SH3KBP1: variants seen among roughly 807,000 people sequenced by gnomAD.
The protein encoded by SH3KBP1 is SH3 domain-containing kinase-binding protein 1.
A neutral mutation model predicts 50.1 loss-of-function variants in SH3KBP1; 8 were observed. The ratio of observed to expected loss-of-function variants is 0.16; its 90% CI spans 0.09 to 0.29. The LOEUF (loss-of-function observed/expected upper bound fraction) is 0.29, where lower values mean the gene tolerates loss of function less well. Ranked by LOEUF, SH3KBP1 falls within the 10% of genes least tolerant of loss-of-function variation. The probability of loss-of-function intolerance (pLI) is 1.00; values close to 1 mark genes in which losing one functional copy is unlikely to be tolerated. For missense variants in SH3KBP1, 377 were observed against 535.2 expected (o/e 0.70, Z 2.92); for synonymous variants, 227 against 218.6 (o/e 1.04, Z -0.34).
chrX:19,833,880 T>C (rs1250784013), intron 2 of SH3KBP1, among the ~76,000 whole-genome samples: 1 of 111,853 alleles, frequency 8.9e-6, no homozygotes, highest in Non-Finnish European at 1.9e-5. Context: ...GGGGTCTTTG[T>C]TGGGATATGC....
intron 12 of SH3KBP1, among the ~76,000 whole-genome samples, chrX:19,587,013 G>A (rs749476806): frequency 2.7e-5 from 3 of 110,310 alleles, no homozygotes; most frequent in Non-Finnish European, 3.8e-5. Context: ...ACCCGAGGTC[G>A]GGAGTTTGAG....
chrX:19,710,560 C>A (rs1056205461), intron 3 of SH3KBP1, among the ~76,000 whole-genome samples: 5 of 111,857 alleles, frequency 4.5e-5, no homozygotes, highest in African/African-American at 1.3e-4. Flanking sequence ...ATTCCCATAA[C>A]TTTTATTATA....
chrX:19,700,732 A>G (rs1259143090), intron 4 of SH3KBP1, among the ~76,000 whole-genome samples: 2 of 112,523 alleles, frequency 1.8e-5, no homozygotes, highest in African/African-American at 3.2e-5. Flanking sequence ...ACTATTTTCA[A>G]TCTCAGAGGA....
At chrX:19,561,018 G>A (rs1021466913) in intron 13 of SH3KBP1, among the ~76,000 whole-genome samples, 2 of 102,441 alleles carry the variant, frequency 2.0e-5, no homozygotes, top group Non-Finnish European at 3.9e-5. Flanking sequence ...AGCATGCAGT[G>A]AGCTGTGACT....
At chrX:19,877,734 C>T (rs1394189536) in intron 1 of SH3KBP1, among the ~76,000 whole-genome samples, 1 of 112,224 alleles carries the variant, frequency 8.9e-6, no homozygotes, top group Non-Finnish European at 1.9e-5. Flanking sequence ...ACATGCTGTA[C>T]TTGGGTGCTC....
chrX:19,586,110 T>C (rs1322130047), intron 12 of SH3KBP1, among the ~76,000 whole-genome samples: 1 of 111,946 alleles, frequency 8.9e-6, no homozygotes, highest in African/African-American at 3.2e-5. Flanking sequence ...CACTGGATAC[T>C]GGGAGACGCA....
At chrX:19,715,232 C>T (rs1422224214) in intron 3 of SH3KBP1, among the ~76,000 whole-genome samples, 1 of 105,330 alleles carries the variant, frequency 9.5e-6, no homozygotes, top group Non-Finnish European at 1.9e-5. Context: ...TGTGATCACA[C>T]CACTGCACTC....
chrX:19,664,097 A>G (rs2062534738), intron 6 of SH3KBP1, among the ~76,000 whole-genome samples: 1 of 111,220 alleles, frequency 9.0e-6, no homozygotes, highest in Non-Finnish European at 1.9e-5. Flanking sequence ...CTCTCAATCA[A>G]TCAATCAATG....
At position 19,857,891 on chromosome X, in the gene SH3KBP1, G is replaced by A. The variant is rs2068688909; in HGVS notation, c.5-21609C>T. 3.6e-5 allele frequency among the ~76,000 whole-genome samples: 4 copies of A among 110,272 alleles called. No homozygotes were observed. In the South Asian group the frequency reaches 1.5e-3, roughly 41 times the overall value. ...ATGATAAATTCCTTTTTTTAAAAAG[G>A]AAAGGGGCTGGGCACAGTGGCTCAC... On this transcript the variant is annotated intron_variant, in intron 1 of 17. Transcript: ENST00000397821.
chrX:19,619,267 C>T (rs1451783129), intron 8 of SH3KBP1, among the ~76,000 whole-genome samples: 1 of 112,017 alleles, frequency 8.9e-6, no homozygotes, highest in Non-Finnish European at 1.9e-5. Context: ...CAGAGCCAGA[C>T]TCTGTCTCAA....
intron 1 of SH3KBP1, among the ~76,000 whole-genome samples, chrX:19,852,111 T>C (rs2068526262): frequency 9.0e-6 from 1 of 111,420 alleles, no homozygotes; most frequent in Non-Finnish European, 1.9e-5. Context: ...TTATGCAGTT[T>C]CCAACTCACT....
At chrX:19,803,250 T>TA (rs1287710148) in intron 2 of SH3KBP1, among the ~76,000 whole-genome samples, 3 of 111,760 alleles carry the variant, frequency 2.7e-5, no homozygotes, top group African/African-American at 9.8e-5. Context: ...AGGTTTCCCT[T>TA]ATTTATTTTA....
intron 1 of SH3KBP1, among the ~76,000 whole-genome samples, chrX:19,886,654 T>C (rs1160111047): frequency 9.0e-6 from 1 of 111,174 alleles, no homozygotes. Flanking sequence ...AGTGGCCTTT[T>C]AGCATCACGG....
chrX:19,550,081 A>T lies in SH3KBP1; in HGVS notation c.1387T>A (p.Leu463Ile), dbSNP rs267606416. 13 of 1,188,755 alleles carry T rather than the reference A, an allele frequency of 1.1e-5. No individual in the cohort carries two copies. Among genetic ancestry groups the T allele is most frequent in the African/African-American group, 1.8e-5 (1 of 56,744 alleles). ...GATACCACGGAGTCAAAACCTTCTAAGTCTAAAACAAAAGTAAAACAGTTT... is the reference window on the plus strand; with the variant it reads ...GATACCACGGAGTCAAAACCTTCTATGTCTAAAACAAAAGTAAAACAGTTT... Reference protein sequence around the residue: ...DLSDRSNDIDLEGFDSVVSST... With the variant: ...DLSDRSNDIDIEGFDSVVSST... Residue 463 changes from leucine to isoleucine, a missense_variant and splice_region_variant, in exon 14 of 18, where the codon TTA becomes ATA. This residue lies in a region of SH3KBP1 where 257 missense variants were observed against 374.2 expected (regional missense o/e 0.69). Transcript: ENST00000397821.
At chrX:19,769,733 C>CGGAT (rs1320823410) in intron 2 of SH3KBP1, among the ~76,000 whole-genome samples, 2 of 110,381 alleles carry the variant, frequency 1.8e-5, no homozygotes, top group African/African-American at 3.3e-5. Context: ...GTTTTAACTC[C>CGGAT]GGATTTTCTC....
intron 9 of SH3KBP1, among the ~76,000 whole-genome samples, chrX:19,598,705 G>C (rs776330971): frequency 1.8e-5 from 2 of 111,356 alleles, no homozygotes; most frequent in African/African-American, 6.5e-5. Flanking sequence ...GGGAGAGATG[G>C]GGAATCGTAG....
At chrX:19,852,444 A>G (rs1224806180) in intron 1 of SH3KBP1, among the ~76,000 whole-genome samples, 1 of 110,906 alleles carries the variant, frequency 9.0e-6, no homozygotes, top group African/African-American at 3.3e-5. Flanking sequence ...CAGGAACTGG[A>G]ATACGCTCTA....
chrX:19,584,550 C>G (rs1470557915), intron 12 of SH3KBP1, among the ~76,000 whole-genome samples: 1 of 108,951 alleles, frequency 9.2e-6, no homozygotes, highest in East Asian at 2.8e-4. Flanking sequence ...CCAGGTTGGT[C>G]TCGAGCTCCT....
At chrX:19,829,236 C>T (rs2067783855) in intron 2 of SH3KBP1, among the ~76,000 whole-genome samples, 1 of 112,082 alleles carries the variant, frequency 8.9e-6, no homozygotes, top group Non-Finnish European at 1.9e-5. Flanking sequence ...GGATACTACA[C>T]AGCAAGAACA....
Sources: gnomAD v4.1 joint callset for allele counts (sites outside exome capture counted in the v4.1 genomes callset) on GRCh38, gnomAD v4.1.1 for gene constraint, gnomAD v4.1.1 regional missense constraint, MANE v1.5 for transcripts, NCBI Gene and HGNC (gene_info 2026-07-23, HGNC 2026-07-21) for gene names.